RCAN2: variants seen among roughly 807,000 people sequenced by gnomAD.
RCAN2 encodes the protein regulator of calcineurin 2.
Under a neutral mutation model 23.6 loss-of-function variants are expected in RCAN2, and 9 were observed. That is an observed-to-expected ratio of 0.38 (90% CI 0.23 to 0.67). The LOEUF (loss-of-function observed/expected upper bound fraction) is 0.67. Among genes scored for constraint, RCAN2 ranks in the 30% least tolerant of loss-of-function variants. The probability of loss-of-function intolerance (pLI) is 0.51; values close to 1 mark genes in which losing one functional copy is unlikely to be tolerated. For synonymous variants in RCAN2, 109 were observed against 115.7 expected, an observed-to-expected ratio of 0.94 and a Z score of 0.37; for missense variants, 273 against 302.3, an observed-to-expected ratio of 0.90 and a Z score of 0.72.
intron 2 of RCAN2, among the ~76,000 whole-genome samples, chr6:46,274,896 A>T (rs1201403476): frequency 6.6e-6 from 1 of 152,178 alleles, no homozygotes; most frequent in Non-Finnish European, 1.5e-5. Context: ...AGGAAGATGG[A>T]GGGTAACCAC....
chr6:46,409,202 C>T (rs1310866159), intron 2 of RCAN2, among the ~76,000 whole-genome samples: 1 of 151,982 alleles, frequency 6.6e-6, no homozygotes, highest in East Asian at 1.9e-4. Context: ...ATTTAACCAC[C>T]GAGTTCCATA....
chr6:46,375,030 C>T (rs1765420767), intron 2 of RCAN2, among the ~76,000 whole-genome samples: 3 of 152,130 alleles, frequency 2.0e-5, no homozygotes, highest in Non-Finnish European at 4.4e-5. Flanking sequence ...CCTCAGTCTT[C>T]CCAGTAGCTG....
intron 2 of RCAN2, among the ~76,000 whole-genome samples, chr6:46,443,915 A>G (rs1468241783): frequency 6.6e-6 from 1 of 152,070 alleles, no homozygotes; most frequent in African/African-American, 2.4e-5. Flanking sequence ...AGAAAGCCTC[A>G]CTCTACTCTT....
At position 46,399,994 on chromosome 6, in the gene RCAN2, T is replaced by C. The variant is rs116833042; in HGVS notation, c.225+56758A>G. 9.6e-3 allele frequency among the ~76,000 whole-genome samples: 1,466 copies of C among 152,296 alleles called. 19 individuals are homozygous for C. Among genetic ancestry groups the C allele is most frequent in the African/African-American group, 0.033 (1,386 of 41,556 alleles). Reference sequence around the variant, plus strand: ...CCTGAGGTGGCTCAGCACTCATGTGTCTCACAGATTACCTCCTCACATAAG... The same window carrying C: ...CCTGAGGTGGCTCAGCACTCATGTGCCTCACAGATTACCTCCTCACATAAG... On this transcript the variant is annotated intron_variant, in intron 2 of 4. Coordinates refer to ENST00000371374, the MANE Select transcript of RCAN2 (RefSeq NM_001251974.2).
At chr6:46,323,572 G>C (rs186030437) in intron 2 of RCAN2, among the ~76,000 whole-genome samples, 69 of 152,212 alleles carry the variant, frequency 4.5e-4, no homozygotes, top group Non-Finnish European at 6.8e-4. Flanking sequence ...ATCTCTCATA[G>C]AGAACCTACT....
intron 2 of RCAN2, among the ~76,000 whole-genome samples, chr6:46,360,395 G>C (rs190012407): frequency 7.2e-5 from 11 of 151,838 alleles, no homozygotes; most frequent in South Asian, 2.1e-4. Flanking sequence ...TTAGCGGGGC[G>C]TGGTGGTGGG....
intron 1 of RCAN2, among the ~76,000 whole-genome samples, chr6:46,489,311 G>GT (rs1316973937): frequency 2.6e-5 from 4 of 152,172 alleles, no homozygotes; most frequent in Admixed American, 2.6e-4. Flanking sequence ...TCATGATGTT[G>GT]AATCATTACC....
chr6:46,473,155 A>G (rs1265516772), intron 1 of RCAN2, among the ~76,000 whole-genome samples: 2 of 152,234 alleles, frequency 1.3e-5, no homozygotes, highest in Non-Finnish European at 1.5e-5. Context: ...TCATGTTTAA[A>G]TGTACATATA....
chr6:46,261,680 A>G (rs1767113723), intron 2 of RCAN2, among the ~76,000 whole-genome samples: 1 of 152,204 alleles, frequency 6.6e-6, no homozygotes, highest in South Asian at 2.1e-4. Flanking sequence ...GTAAAGACCA[A>G]TTATAGGAAT....
chr6:46,351,319 T>C (rs1044735530), intron 2 of RCAN2, among the ~76,000 whole-genome samples: 1 of 152,218 alleles, frequency 6.6e-6, no homozygotes, highest in South Asian at 2.1e-4. Context: ...CTTTGTGATA[T>C]CTGAGTTTTA....
intron 2 of RCAN2, among the ~76,000 whole-genome samples, chr6:46,371,291 T>A (rs1005955474): frequency 3.3e-5 from 5 of 152,222 alleles, no homozygotes; most frequent in African/African-American, 9.6e-5. Flanking sequence ...TATATTTTTT[T>A]AATCTTTCTT....
At chr6:46,286,669 C>G (rs1237654258) in intron 2 of RCAN2, among the ~76,000 whole-genome samples, 1 of 152,164 alleles carries the variant, frequency 6.6e-6, no homozygotes, top group East Asian at 1.9e-4. Context: ...AACAGTTTCT[C>G]TCTGTGGACT....
chr6:46,220,968 T>A lies in RCAN2; in HGVS notation c.*2173A>T, dbSNP rs1301508187. ...AAGGAGTCTTTCCATTTCTTATCGT[T>A]CTCCTAGGAAAAGCCCCTCTTTTCC... is the stretch of plus-strand genomic sequence containing the variant. On this transcript the variant is annotated 3_prime_UTR_variant, in exon 5 of 5. Transcript: ENST00000371374. The A allele has an allele frequency of 6.6e-6, 1 of 152,510 alleles. No individual in the cohort carries two copies. The highest frequency in any genetic ancestry group is 1.5e-5 in the Non-Finnish European group (1 of 68,006). The allele number at this position is 152,510 out of a possible 1,614,324, so 9.4% of individuals were successfully genotyped here. A position where few individuals can be genotyped will look rare whatever the true frequency, so the allele number is the denominator to read the frequency against.
chr6:46,240,092 G>A (rs2150313428), intron 4 of RCAN2, among the ~76,000 whole-genome samples: 1 of 152,252 alleles, frequency 6.6e-6, no homozygotes, highest in East Asian at 1.9e-4. Flanking sequence ...AGCTGCCTGG[G>A]AGAGCCCTCT....
In RCAN2 at chr6:46,243,734, C is replaced by T. The variant is rs527741733; in HGVS notation, c.571+3014G>A. Among the ~76,000 whole-genome samples the T allele has an allele frequency of 7.0e-5, 9 of 129,074 alleles. No homozygotes were observed. In the East Asian group the frequency reaches 2.1e-3, roughly 29 times the overall value. The allele number at this position is 129,074 out of a possible 152,430, so 84.7% of individuals were successfully genotyped here. A position where few individuals can be genotyped will look rare whatever the true frequency, so the allele number is the denominator to read the frequency against. ...CTGAGGCAGGAGAATTGCTTGAACC[C>T]GGGAGGAGGAGGTTGCAGTCAGCCG... On this transcript the variant is annotated intron_variant, in intron 4 of 4. Coordinates refer to ENST00000371374, the MANE Select transcript of RCAN2 (RefSeq NM_001251974.2).
intron 1 of RCAN2, among the ~76,000 whole-genome samples, chr6:46,469,022 G>A (rs1360182886): frequency 2.0e-5 from 3 of 152,230 alleles, no homozygotes; most frequent in African/African-American, 4.8e-5. Flanking sequence ...TATTGAAGAC[G>A]GTTTCTATCA....
At chr6:46,438,903 G>A (rs1767447119) in intron 2 of RCAN2, among the ~76,000 whole-genome samples, 2 of 152,164 alleles carry the variant, frequency 1.3e-5, no homozygotes, top group Admixed American at 1.3e-4. Context: ...ATTGATTGCT[G>A]CAGTACTCTT....
intron 2 of RCAN2, among the ~76,000 whole-genome samples, chr6:46,343,964 A>G (rs970758615): frequency 6.6e-6 from 1 of 152,224 alleles, no homozygotes. Flanking sequence ...ATGCTAAATT[A>G]AAAGAAGCAA....
At chr6:46,490,682 G>T (rs1769114075) in intron 1 of RCAN2, among the ~76,000 whole-genome samples, 1 of 152,162 alleles carries the variant, frequency 6.6e-6, no homozygotes, top group East Asian at 1.9e-4. Flanking sequence ...TCAGCCCGCT[G>T]CACCTCAGTG....
Sources: gnomAD v4.1 joint callset for allele counts (sites outside exome capture counted in the v4.1 genomes callset) on GRCh38, gnomAD v4.1.1 for gene constraint, MANE v1.5 for transcripts, NCBI Gene and HGNC (gene_info 2026-07-23, HGNC 2026-07-21) for gene names.